The following SPRYD3 variants were observed in gnomAD, a reference collection of about 807,000 sequenced individuals.
SPRYD3 encodes the protein SPRY domain containing 3.
In SPRYD3, 17 loss-of-function variants were observed where a neutral mutation model predicts 50.1. The ratio of observed to expected loss-of-function variants is 0.34; its 90% confidence interval spans 0.23 to 0.51. The LOEUF (loss-of-function observed/expected upper bound fraction) is 0.51. Ranked by LOEUF, SPRYD3 falls within the 20% of genes least tolerant of loss-of-function variation. The pLI, the probability that SPRYD3 is intolerant of heterozygous loss-of-function variation, is 0.97. For missense variants in SPRYD3, 401 were observed against 591.2 expected (o/e 0.68, Z 3.34); for synonymous variants, 198 against 215.5 (o/e 0.92, Z 0.71).
intron 2 of SPRYD3, among the ~76,000 whole-genome samples, chr12:53,076,158 C>T (rs1247240403): frequency 6.6e-6 from 1 of 152,240 alleles, no homozygotes; most frequent in Non-Finnish European, 1.5e-5. Flanking sequence ...TTTCCTCTGG[C>T]TCTGTCCTCA....
chr12:53,075,751 G>C lies in SPRYD3; in HGVS notation c.231C>G (p.Asp77Glu). Residue 77 changes from aspartate (D) to glutamate (E), a missense_variant, in exon 3 of 11, where the codon GAC becomes GAG. Coordinates refer to ENST00000301463, the MANE Select transcript of SPRYD3 (RefSeq NM_032840.3). ...CCTTGATCACCTCAAAATAATTGCT[G>C]TCCTTGGTCAGGGGTCGAGAAGCCA... ...CYVASRPLTK[D>E]SNYFEVSIVD... 6.2e-7 allele frequency: 1 copy of C among 1,613,912 alleles called. No individual in the cohort carries two copies. The highest frequency in any genetic ancestry group is 1.7e-5 in the Admixed American group (1 of 60,024).
At chr12:53,067,018 G>A (rs1406386672) in intron 8 of SPRYD3, among the ~76,000 whole-genome samples, 1 of 151,622 alleles carries the variant, frequency 6.6e-6, no homozygotes, top group African/African-American at 2.4e-5. Flanking sequence ...GCTGAGGTGG[G>A]AGGATCACTT....
At chr12:53,067,592 C>T (rs1944518993) in intron 8 of SPRYD3, 56 bp downstream of exon 8, 1 of 1,529,930 alleles carries the variant, frequency 6.5e-7, no homozygotes, top group Non-Finnish European at 9.1e-7. Context: ...AAGTGGATGT[C>T]CCTATGCCTC....
chr12:53,068,539 C>A (rs1944526528), intron 6 of SPRYD3, among the ~76,000 whole-genome samples: 3 of 152,186 alleles, frequency 2.0e-5, no homozygotes, highest in African/African-American at 7.2e-5. Context: ...GCTGTCTTCC[C>A]CCACACACTT....
intron 6 of SPRYD3, 101 bp downstream of exon 6, chr12:53,073,185 G>C: frequency 1.3e-6 from 1 of 758,424 alleles, no homozygotes; most frequent in Non-Finnish European, 2.2e-6. Context: ...ACACTGTCCC[G>C]ACTCCCCATT....
chr12:53,066,654 G>T lies in SPRYD3; in HGVS notation c.940C>A (p.Pro314Thr). ...CCTTTGTAACAGCGTGGCCCAAAGG[G>T]GTCCCCCACACCACTGCCATGGAAG... Reference protein sequence around the residue: ...KIFHGSGVGDPFGPRCYKGDI... With the variant: ...KIFHGSGVGDTFGPRCYKGDI... The change falls in exon 9 of 11, where the codon CCC (proline) becomes ACC (threonine). Residue 314 changes from proline to threonine, a missense_variant. Pro to Thr is a conservative substitution (Grantham distance 38, BLOSUM62 -1). Transcript: ENST00000301463. 1 of 1,613,812 alleles carries T rather than the reference G, an allele frequency of 6.2e-7. No individual in the cohort carries two copies. The highest frequency in any genetic ancestry group is 8.5e-7 in the Non-Finnish European group (1 of 1,179,842).
intron 8 of SPRYD3, among the ~76,000 whole-genome samples, chr12:53,067,035 G>GGGAGGCAGA (rs1296017136): frequency 9.2e-5 from 14 of 151,380 alleles, no homozygotes; most frequent in Non-Finnish European, 1.8e-4. Context: ...ACTTGAGCCT[G>GGGAGGCAGA]GGAGGCAGAG....
intron 6 of SPRYD3, among the ~76,000 whole-genome samples, chr12:53,069,692 CTGTT>C: frequency 6.6e-6 from 1 of 152,352 alleles, no homozygotes; most frequent in Middle Eastern, 3.4e-3. Flanking sequence ...CAAGGCCACA[CTGTT>C]TGACTTCTGT....
intron 6 of SPRYD3, among the ~76,000 whole-genome samples, chr12:53,071,191 C>T (rs1004795187): frequency 6.6e-6 from 1 of 152,218 alleles, no homozygotes; most frequent in Non-Finnish European, 1.5e-5. Flanking sequence ...TCCTGGCCAG[C>T]TCAGGCTCCA....
intron 8 of SPRYD3, 101 bp downstream of exon 8, chr12:53,067,547 C>T: frequency 8.7e-7 from 1 of 1,155,632 alleles, no homozygotes; most frequent in South Asian, 1.2e-5. Context: ...GCAGGGCAAA[C>T]AGCAAGGCCA....
chr12:53,075,225 G>A lies in SPRYD3; in HGVS notation c.247-6C>T, dbSNP rs1944579935. ...CCACTGTCCACAATAGACACCTGGAGAGAAGAAAGCAGGGCACAGTCAGCA... is the reference window on the plus strand; with the variant it reads ...CCACTGTCCACAATAGACACCTGGAAAGAAGAAAGCAGGGCACAGTCAGCA... On this transcript the variant is annotated splice_polypyrimidine_tract_variant and splice_region_variant and intron_variant, in intron 3 of 10. Coordinates refer to ENST00000301463, the MANE Select transcript of SPRYD3 (RefSeq NM_032840.3). 1 of 1,597,648 alleles carries A rather than the reference G, an allele frequency of 6.3e-7. No individual in the cohort carries two copies. Among genetic ancestry groups the A allele is most frequent in the Non-Finnish European group, 8.6e-7 (1 of 1,166,138 alleles).
Position 53,074,593 on chromosome 12 carries a change from C to A in SPRYD3, c.507+56G>T. On this transcript the variant is annotated intron_variant, in intron 5 of 10. Transcript: ENST00000301463. The surrounding 1 kb of genome is among the most constrained non-coding windows in gnomAD (Gnocchi z 4.6). ...CAGCAGACTCTTCCTAATCACTCCC[C>A]ACAAATCCTTGGGCAGATTTCAGCC... The A allele has an allele frequency of 6.2e-7, 1 of 1,610,322 alleles. No homozygotes were observed. The highest frequency in any genetic ancestry group is 1.1e-5 in the South Asian group (1 of 90,512).
chr12:53,073,900 A>T (rs545125297), intron 5 of SPRYD3, among the ~76,000 whole-genome samples: 6 of 144,686 alleles, frequency 4.1e-5, no homozygotes, highest in Admixed American at 1.4e-4. Context: ...CTGACAGATT[A>T]AAAAAAAAAA....
chr12:53,074,709 A>G lies in SPRYD3; in HGVS notation c.447T>C (p.Ile149=). ...CNSGDRIGCG[I]EPVSFDVQTA... ...TCTGCACATCAAAGGACACAGGCTC[A>G]ATGCCACAGCCAATCCGGTCCCCGG... Residue 149 remains isoleucine, a synonymous_variant, in exon 5 of 11, where the codon ATT becomes ATC. Transcript: ENST00000301463. This position sits in a 1 kb window ranked among gnomAD's most constrained non-coding sequence, Gnocchi z 4.6. The G allele has an allele frequency of 6.2e-7, 1 of 1,614,272 alleles. No homozygotes were observed.
At position 53,073,478 on chromosome 12, in the gene SPRYD3, T is replaced by TG; in HGVS notation, c.508-8dup. 3 of 1,523,378 alleles carry TG rather than the reference T, an allele frequency of 2.0e-6. No individual in the cohort carries two copies. Among genetic ancestry groups the TG allele is most frequent in the African/African-American group, 1.4e-5 (1 of 73,008 alleles). The allele number at this position is 1,523,378 out of a possible 1,614,324, so 94.4% of individuals were successfully genotyped here. A position where few individuals can be genotyped will look rare whatever the true frequency, so the allele number is the denominator to read the frequency against. ...GCATGATGGTAGAGCCCACCTGCAG[T>TG]GGGGGGAAAGACGGAGCTGCCACCC... On this transcript the variant is annotated splice_polypyrimidine_tract_variant and splice_region_variant and intron_variant, in intron 5 of 10. Transcript: ENST00000301463.
At chr12:53,069,867 G>C (rs1565617376) in intron 6 of SPRYD3, among the ~76,000 whole-genome samples, 3 of 152,122 alleles carry the variant, frequency 2.0e-5, no homozygotes, top group Admixed American at 1.3e-4. Context: ...CTGGGTGGGG[G>C]ACCCCACAGC....
chr12:53,066,071 G>T, intron 10 of SPRYD3, 105 bp from the exon 11 acceptor site: 1 of 1,465,648 alleles, frequency 6.8e-7, no homozygotes, highest in Non-Finnish European at 9.3e-7. Context: ...AGCTTCCAGC[G>T]GGGCTGGAGA....
In SPRYD3 at chr12:53,074,958, C is replaced by A; in HGVS notation, c.371+137G>T. 7.3e-7 allele frequency: 1 copy of A among 1,375,120 alleles called. No homozygotes were observed. Among genetic ancestry groups the A allele is most frequent in the Non-Finnish European group, 1.0e-6 (1 of 984,972 alleles). 85.2% of individuals were successfully genotyped at this position (1,375,120 alleles called of 1,614,324 possible). ...TCTAGTCTGTAAGCCTTCAAGGGTG[C>A]TGCCAGGCCACTTCCCTGTCCTGAC... On this transcript the variant is annotated intron_variant, in intron 4 of 10. Coordinates refer to ENST00000301463, the MANE Select transcript of SPRYD3 (RefSeq NM_032840.3). The surrounding 1 kb of genome is among the most constrained non-coding windows in gnomAD (Gnocchi z 4.6).
At chr12:53,069,202 TC>T (rs1234237086) in intron 6 of SPRYD3, among the ~76,000 whole-genome samples, 2 of 151,974 alleles carry the variant, frequency 1.3e-5, no homozygotes, top group African/African-American at 4.8e-5. Flanking sequence ...ATCCCCTCTT[TC>T]CCCCACCTTC....
Sources: gnomAD v4.1 joint callset for allele counts (sites outside exome capture counted in the v4.1 genomes callset) on GRCh38, gnomAD v4.1.1 for gene constraint, Gnocchi (gnomAD v3.1) non-coding constraint, MANE v1.5 for transcripts, NCBI Gene and HGNC (gene_info 2026-07-23, HGNC 2026-07-21) for gene names.